Variants in MEIKIN observed in about 807,000 individuals in gnomAD.
MEIKIN encodes the protein meiotic kinetochore factor.
intron 8 of MEIKIN, among the ~76,000 whole-genome samples, chr5:131,890,425 T>C (rs776781501): frequency 1.1e-4 from 16 of 152,336 alleles, no homozygotes; most frequent in South Asian, 4.1e-4. Flanking sequence ...TGGTTTAGTC[T>C]TGGGAGGGTC....
intron 9 of MEIKIN, among the ~76,000 whole-genome samples, chr5:131,856,765 A>AT (rs952974704): frequency 1.3e-5 from 2 of 151,612 alleles, no homozygotes; most frequent in African/African-American, 4.8e-5. Context: ...GCTTCCCTAC[A>AT]TTTTTTCTTA....
At chr5:131,914,938 C>G (rs1380290113) in intron 7 of MEIKIN, among the ~76,000 whole-genome samples, 2 of 152,112 alleles carry the variant, frequency 1.3e-5, no homozygotes, top group Admixed American at 1.3e-4. Context: ...TACTAACTCC[C>G]TGTTTAGAAC....
intron 8 of MEIKIN, among the ~76,000 whole-genome samples, chr5:131,891,900 G>A (rs1401948126): frequency 6.6e-6 from 1 of 152,122 alleles, no homozygotes; most frequent in East Asian, 1.9e-4. Context: ...AGCTCTTTTA[G>A]GGCAGTCCTG....
At chr5:131,913,218 T>G (rs1055872503) in intron 7 of MEIKIN, among the ~76,000 whole-genome samples, 1 of 152,206 alleles carries the variant, frequency 6.6e-6, no homozygotes, top group African/African-American at 2.4e-5. Context: ...CCAGCTGCTT[T>G]TGAGTGAGGT....
At chr5:131,847,959 T>G (rs1310006258) in intron 11 of MEIKIN, among the ~76,000 whole-genome samples, 1 of 150,944 alleles carries the variant, frequency 6.6e-6, no homozygotes, top group Admixed American at 6.6e-5. Context: ...CAAGGGAAAT[T>G]AGAAAATACT....
intron 7 of MEIKIN, among the ~76,000 whole-genome samples, chr5:131,915,730 T>G (rs1372725656): frequency 1.3e-5 from 2 of 152,188 alleles, no homozygotes; most frequent in African/African-American, 4.8e-5. Context: ...GTAAGTAAGT[T>G]TAACTCATTA....
chr5:131,865,000 T>C (rs1750358941), intron 9 of MEIKIN, among the ~76,000 whole-genome samples: 1 of 152,222 alleles, frequency 6.6e-6, no homozygotes, highest in South Asian at 2.1e-4. Flanking sequence ...ATTTAGTCTA[T>C]TGTTGAATCT....
intron 11 of MEIKIN, among the ~76,000 whole-genome samples, chr5:131,849,733 A>G (rs1750079544): frequency 6.6e-6 from 1 of 151,902 alleles, no homozygotes; most frequent in Non-Finnish European, 1.5e-5. Context: ...ATCACATTCA[A>G]TGGTGAAAGA....
At chr5:131,827,056 C>T (rs1460768346) in intron 11 of MEIKIN, among the ~76,000 whole-genome samples, 1 of 152,170 alleles carries the variant, frequency 6.6e-6, no homozygotes, top group Non-Finnish European at 1.5e-5. Context: ...ACAATCATGG[C>T]TTACTGCAGC....
At chr5:131,840,198 T>C (rs1410062478) in intron 11 of MEIKIN, among the ~76,000 whole-genome samples, 1 of 152,266 alleles carries the variant, frequency 6.6e-6, no homozygotes, top group Non-Finnish European at 1.5e-5. Context: ...CCCAATCTCT[T>C]CTGCCTTTTA....
intron 9 of MEIKIN, among the ~76,000 whole-genome samples, chr5:131,872,754 T>C (rs887651567): frequency 3.3e-5 from 5 of 152,140 alleles, no homozygotes; most frequent in East Asian, 1.9e-4. Context: ...GAGAGAAAGG[T>C]TGGGTTACCC....
At chr5:131,885,319 G>C (rs1485590305) in intron 8 of MEIKIN, among the ~76,000 whole-genome samples, 1 of 137,156 alleles carries the variant, frequency 7.3e-6, no homozygotes, top group Non-Finnish European at 1.5e-5. Context: ...CCCACCCCCA[G>C]CTGCAGGCCA....
chr5:131,904,704 C>A (rs1053875454), intron 8 of MEIKIN, among the ~76,000 whole-genome samples: 4 of 152,118 alleles, frequency 2.6e-5, no homozygotes, highest in Admixed American at 1.3e-4. Flanking sequence ...ATGCTTATTG[C>A]AGCACTGTTC....
chr5:131,910,731 TTAA>T (rs919833025), intron 8 of MEIKIN, among the ~76,000 whole-genome samples: 10 of 151,966 alleles, frequency 6.6e-5, no homozygotes, highest in Admixed American at 1.3e-4. Context: ...TCCACAAATA[TTAA>T]TAATAAAAAA....
intron 8 of MEIKIN, among the ~76,000 whole-genome samples, chr5:131,891,927 T>TA (rs1161637580): frequency 3.3e-5 from 5 of 152,226 alleles, no homozygotes; most frequent in South Asian, 2.1e-4. Flanking sequence ...ACAACATCTC[T>TA]CAGCATTTGC....
At chr5:131,851,179 T>G in intron 11 of MEIKIN, 85 bp downstream of exon 11, 1 of 393,042 alleles carries the variant, frequency 2.5e-6, no homozygotes, top group Middle Eastern at 6.5e-4. Context: ...AGTTAAGAGA[T>G]TTCTTATAGC....
chr5:131,853,981 C>G (rs1215719052), intron 10 of MEIKIN, among the ~76,000 whole-genome samples: 1 of 152,128 alleles, frequency 6.6e-6, no homozygotes, highest in African/African-American at 2.4e-5. Flanking sequence ...TGTAGCAATT[C>G]CACTTCTAGA....
In MEIKIN at chr5:131,901,854, T is replaced by C. The variant is rs75100170; in HGVS notation, c.703+9961A>G. On this transcript the variant is annotated intron_variant, in intron 8 of 12. Coordinates refer to ENST00000442687, the MANE Select transcript of MEIKIN (RefSeq NM_001303622.2). ...GAAAAAAAAATCCAAAGGGCAGTGA[T>C]ATGATTTGGATCTGTGCCCCTGACC... Among the ~76,000 whole-genome samples the C allele has an allele frequency of 3.4e-3, 511 of 152,224 alleles. 4 individuals are homozygous for C. Among genetic ancestry groups the C allele is most frequent in the African/African-American group, 0.012 (486 of 41,536 alleles).
At chr5:131,884,432 C>G (rs1334965423) in intron 8 of MEIKIN, among the ~76,000 whole-genome samples, 1 of 152,020 alleles carries the variant, frequency 6.6e-6, no homozygotes, top group Non-Finnish European at 1.5e-5. Context: ...CACCCTGGGC[C>G]AGAAGGGAAC....
Sources: gnomAD v4.1 joint callset for allele counts (sites outside exome capture counted in the v4.1 genomes callset) on GRCh38, gnomAD v4.1.1 for gene constraint, MANE v1.5 for transcripts, NCBI Gene and HGNC (gene_info 2026-07-23, HGNC 2026-07-21) for gene names.